CEP170B: variants seen among roughly 807,000 people sequenced by gnomAD.
The protein encoded by CEP170B is centrosomal protein of 170 kDa protein B.
CEP170B carries 55 observed loss-of-function variants against 120.6 expected under a neutral mutation model. The ratio of observed to expected loss-of-function variants is 0.46; its 90% CI spans 0.37 to 0.57. CEP170B has a LOEUF of 0.57. Among genes scored for constraint, CEP170B ranks in the 20% least tolerant of loss-of-function variants. The pLI, the probability that CEP170B is intolerant of heterozygous loss-of-function variation, is 0.00. For missense variants in CEP170B, 2,212 were observed against 2,253.3 expected, an observed-to-expected ratio of 0.98 and a Z score of 0.37; for synonymous variants, 1,033 against 954.5, an observed-to-expected ratio of 1.08 and a Z score of -1.52.
At chr14:104,892,574 C>T (rs935535141) in intron 13 of CEP170B, among the ~76,000 whole-genome samples, 2 of 152,172 alleles carry the variant, frequency 1.3e-5, no homozygotes. Flanking sequence ...GCCTGCAGAG[C>T]TGGGCACCCG....
chr14:104,868,597 C>A lies in CEP170B; in HGVS notation c.105+42C>A. The A allele has an allele frequency of 6.6e-7, 1 of 1,522,870 alleles. No homozygotes were observed. Among genetic ancestry groups the A allele is most frequent in the Non-Finnish European group, 8.9e-7 (1 of 1,128,390 alleles). The allele number at this position is 1,522,870 out of a possible 1,614,324, so 94.3% of individuals were successfully genotyped here. A position where few individuals can be genotyped will look rare whatever the true frequency, so the allele number is the denominator to read the frequency against. On this transcript the variant is annotated intron_variant, in intron 2 of 18. Coordinates refer to ENST00000414716, the MANE Select transcript of CEP170B (RefSeq NM_001112726.3). The surrounding 1 kb of genome is among the most constrained non-coding windows in gnomAD (Gnocchi z 5.9). ...TGGGGCCAGGAGGGTAGGGGGTAGA[C>A]AGTCTGTCCCTGTGGAGGCCAGGAA...
chr14:104,886,545 G>C lies in CEP170B; in HGVS notation c.2306G>C (p.Arg769Thr). 6.6e-7 allele frequency: 1 copy of C among 1,508,086 alleles called. No individual in the cohort carries two copies. Among genetic ancestry groups the C allele is most frequent in the Non-Finnish European group, 8.8e-7 (1 of 1,132,084 alleles). The allele number at this position is 1,508,086 out of a possible 1,614,324, so 93.4% of individuals were successfully genotyped here. A position where few individuals can be genotyped will look rare whatever the true frequency, so the allele number is the denominator to read the frequency against. The change falls in exon 12 of 19, where the codon AGA (arginine) becomes ACA (threonine). Residue 769 changes from arginine to threonine, a missense_variant. Around this residue, in one of 2 missense-constraint regions of CEP170B, gnomAD observed 2,166 missense variants for 2,166.7 expected, o/e 1.00. Transcript: ENST00000414716. ...CCAGGGGTGGAGCCACAGGACAGCA[G>C]ACGCAGGAGCCCCCAGGAGGGGCCC... is the stretch of plus-strand genomic sequence containing the variant. ...PEPGVEPQDS[R>T]RRSPQEGPTW...
rs1595341442 is a variant in CEP170B at position 104,884,127 on chromosome 14, G to A, written c.1348G>A (p.Ala450Thr). The A allele has an allele frequency of 6.4e-7, 1 of 1,566,362 alleles. No individual in the cohort carries two copies. Among genetic ancestry groups the A allele is most frequent in the African/African-American group, 1.4e-5 (1 of 73,786 alleles). ...CGATAGGGACCGCCCCAGTGTCCCA[G>A]CCCCAGTCCAGGCAGGGGGCCGCAG... Reference protein sequence around the residue: ...PADRDRPSVPAPVQAGGRSSG... With the variant: ...PADRDRPSVPTPVQAGGRSSG... Residue 450 changes from alanine to threonine, a missense_variant, in exon 9 of 19, where the codon GCC becomes ACC. Ala to Thr is a moderately conservative substitution (Grantham distance 58, BLOSUM62 0). Around this residue, in one of 2 missense-constraint regions of CEP170B, gnomAD observed 2,166 missense variants for 2,166.7 expected, o/e 1.00. Transcript: ENST00000414716.
Position 104,876,039 on chromosome 14 carries a change from A to G in CEP170B, c.106-217A>G, listed in dbSNP as rs546596748. On this transcript the variant is annotated intron_variant, in intron 2 of 18. Coordinates refer to ENST00000414716, the MANE Select transcript of CEP170B (RefSeq NM_001112726.3). The stretch of plus-strand genomic sequence containing the variant: ...AGCATCTCTGGGGAGGGCGGTCATG[A>G]GGGGAGGCCTGGGGCAGCAGCAGAG... 3.9e-5 allele frequency among the ~76,000 whole-genome samples: 6 copies of G among 151,908 alleles called. 1 individual carries two copies. Among genetic ancestry groups the G allele is most frequent in the Admixed American group, 2.0e-4 (3 of 15,280 alleles).
At position 104,894,330 on chromosome 14, in the gene CEP170B, C is replaced by G. The variant is rs1170544571; in HGVS notation, c.4317C>G (p.Ala1439=). 1 of 1,613,550 alleles carries G rather than the reference C, an allele frequency of 6.2e-7. No homozygotes were observed. The highest frequency in any genetic ancestry group is 8.5e-7 in the Non-Finnish European group (1 of 1,179,884). The part of the protein sequence containing the change: ...NTGRAWEDLE[A]RINAENEVPI... ...GGAGAGCTTGGGAGGACCTGGAAGCCAGGATCAACGCCGAGAACGAGGTGC... is the reference window on the plus strand; with the variant it reads ...GGAGAGCTTGGGAGGACCTGGAAGCGAGGATCAACGCCGAGAACGAGGTGC... The change falls in exon 17 of 19, where the codon GCC becomes GCG. Residue 1439 remains alanine (A), a synonymous_variant. Transcript: ENST00000414716.
chr14:104,883,907 C>T lies in CEP170B; in HGVS notation c.1128C>T (p.Pro376=). ...LAKAASAAGV[P]LEASGEQVRL... ...AGGCGGCCTCGGCCGCTGGGGTGCC[C>T]TTGGAGGCCAGCGGGGAGCAGGTGC... Residue 376 remains proline (P), a synonymous_variant, in exon 9 of 19, where the codon CCC becomes CCT. Transcript: ENST00000414716. 1 of 1,593,024 alleles carries T rather than the reference C, an allele frequency of 6.3e-7. No individual in the cohort carries two copies. The highest frequency in any genetic ancestry group is 1.1e-5 in the South Asian group (1 of 88,362).
chr14:104,894,991 C>A lies in CEP170B; in HGVS notation c.*33C>A. ...ACCTGGCCAGGCCAGCCTCCCTGTG[C>A]GTGTGCGTCTCTGCCTTCCGTCCGC... On this transcript the variant is annotated 3_prime_UTR_variant, in exon 19 of 19. Coordinates refer to ENST00000414716, the MANE Select transcript of CEP170B (RefSeq NM_001112726.3). 1.3e-6 allele frequency: 2 copies of A among 1,497,944 alleles called. No individual in the cohort carries two copies. The highest frequency in any genetic ancestry group is 1.8e-6 in the Non-Finnish European group (2 of 1,119,192). 92.8% of individuals were successfully genotyped at this position (1,497,944 alleles called of 1,614,324 possible).
In CEP170B at chr14:104,870,338, C is replaced by T. The variant is rs1237321088; in HGVS notation, c.105+1783C>T. 1.3e-5 allele frequency among the ~76,000 whole-genome samples: 2 copies of T among 152,204 alleles called. No homozygotes were observed. Among genetic ancestry groups the T allele is most frequent in the African/African-American group, 2.4e-5 (1 of 41,450 alleles). On this transcript the variant is annotated intron_variant, in intron 2 of 18. Coordinates refer to ENST00000414716, the MANE Select transcript of CEP170B (RefSeq NM_001112726.3). The surrounding 1 kb of genome is among the most constrained non-coding windows in gnomAD (Gnocchi z 4.1). ...ATCATTTAAAAGTGTAAAGATCATT[C>T]TTAGTTCTCAAGCCATCTAAAGACA...
rs748743459 is a variant in CEP170B, at chr14:104,887,797, C to T, written c.3558C>T (p.Pro1186=). 49 of 1,585,846 alleles carry T rather than the reference C, an allele frequency of 3.1e-5. No homozygotes were observed. The highest frequency in any genetic ancestry group is 1.7e-4 in the Middle Eastern group (1 of 5,994). ...GCTCCTTCACAGGGACTAGTGACCC[C>T]GAGGCAGCCCCTGCCCGCACCAGCT... is the stretch of plus-strand genomic sequence containing the variant. ...RAGSFTGTSD[P]EAAPARTSFS... is the part of the protein sequence containing the mutation. The change falls in exon 12 of 19, where the codon CCC becomes CCT. Residue 1186 remains proline (P), a synonymous_variant. Coordinates refer to ENST00000414716, the MANE Select transcript of CEP170B (RefSeq NM_001112726.3).
At position 104,867,010 on chromosome 14, in the gene CEP170B, A is replaced by G. The variant is rs917542272; in HGVS notation, c.-27-1414A>G. Among the ~76,000 whole-genome samples the G allele has an allele frequency of 6.6e-6, 1 of 152,144 alleles. No homozygotes were observed. On this transcript the variant is annotated intron_variant, in intron 1 of 18. Coordinates refer to ENST00000414716, the MANE Select transcript of CEP170B (RefSeq NM_001112726.3). This position sits in a 1 kb window ranked among gnomAD's most constrained non-coding sequence, Gnocchi z 5.4. ...GAGCTCTGGGGCCGGCCTCACAGGT[A>G]TGTGACTTGGAGACCCCCACAGAGC...
In CEP170B at chr14:104,868,447, C is replaced by G; in HGVS notation, c.-4C>G. The G allele has an allele frequency of 1.4e-5, 21 of 1,548,432 alleles. No homozygotes were observed. Among genetic ancestry groups the G allele is most frequent in the Non-Finnish European group, 1.8e-5 (21 of 1,146,852 alleles). On this transcript the variant is annotated 5_prime_UTR_variant, in exon 2 of 19. Transcript: ENST00000414716. This position sits in a 1 kb window ranked among gnomAD's most constrained non-coding sequence, Gnocchi z 5.9. ...AGGGCCAGACGGGCCCAGCCAGCACCAAGATGAGTGCCACGTCCTGGTTCC... is the reference window on the plus strand; with the variant it reads ...AGGGCCAGACGGGCCCAGCCAGCACGAAGATGAGTGCCACGTCCTGGTTCC...
chr14:104,883,763 G>A, intron 8 of CEP170B, 68 bp from the exon 9 acceptor site: 2 of 1,412,518 alleles, frequency 1.4e-6, no homozygotes, highest in Non-Finnish European at 1.9e-6. Context: ...GGGTGATGAG[G>A]CTGCCTGAGA....
chr14:104,890,566 G>GTGGA (rs754563532), intron 13 of CEP170B, among the ~76,000 whole-genome samples: 44,004 of 77,898 alleles, frequency 0.56, 14,902 homozygotes, highest in Non-Finnish European at 0.67. Context: ...GGGTGGGTGG[G>GTGGA]TGGATGGATG....
At chr14:104,866,223 G>A (rs1437397709) in intron 1 of CEP170B, among the ~76,000 whole-genome samples, 1 of 152,272 alleles carries the variant, frequency 6.6e-6, no homozygotes, top group Admixed American at 6.5e-5. Context: ...GCAGTGGGTG[G>A]CCTGGCTCTG....
chr14:104,876,822 C>T (rs575900272), intron 3 of CEP170B, among the ~76,000 whole-genome samples: 20 of 152,252 alleles, frequency 1.3e-4, no homozygotes, highest in African/African-American at 4.6e-4. Flanking sequence ...ATGGGTGGAG[C>T]CATGTGATCC....
chr14:104,882,917 A>C, intron 7 of CEP170B, 85 bp downstream of exon 7: 1 of 1,470,080 alleles, frequency 6.8e-7, no homozygotes, highest in Non-Finnish European at 9.1e-7. Flanking sequence ...TGAGGAGCCC[A>C]CTCCGGGGGA....
Position 104,886,688 on chromosome 14 carries a change from G to A in CEP170B, c.2449G>A (p.Gly817Arg). ...ATCTAGGAAACCGCTTGCGGCTCCA[G>A]GGGATGGGGAGGGCCTAGGGCAGAC... is the stretch of plus-strand genomic sequence containing the variant. ...VLSRKPLAAP[G>R]DGEGLGQTAQ... The change falls in exon 12 of 19, where the codon GGG becomes AGG. Residue 817 changes from glycine (G) to arginine (R), a missense_variant. By Grantham distance (125) the Gly-to-Arg change is moderately radical. Coordinates refer to ENST00000414716, the MANE Select transcript of CEP170B (RefSeq NM_001112726.3). 6.4e-7 allele frequency: 1 copy of A among 1,554,970 alleles called. No homozygotes were observed. The highest frequency in any genetic ancestry group is 2.3e-5 in the East Asian group (1 of 44,354).
chr14:104,896,550 G>T lies in CEP170B; in HGVS notation c.*1592G>T, dbSNP rs770680265. 4.4e-6 allele frequency: 2 copies of T among 455,564 alleles called. No individual in the cohort carries two copies. The highest frequency in any genetic ancestry group is 2.4e-5 in the Admixed American group (1 of 42,492). The allele number at this position is 455,564 out of a possible 1,614,324, so 28.2% of individuals were successfully genotyped here. On this transcript the variant is annotated 3_prime_UTR_variant, in exon 19 of 19. Coordinates refer to ENST00000414716, the MANE Select transcript of CEP170B (RefSeq NM_001112726.3). Reference sequence around the variant, plus strand: ...CAATGTTTTAAGTTCACAAGTTCCTGCTCCTCCCCACACTGAGCTCCTTTG... The same window carrying T: ...CAATGTTTTAAGTTCACAAGTTCCTTCTCCTCCCCACACTGAGCTCCTTTG...
intron 5 of CEP170B, among the ~76,000 whole-genome samples, chr14:104,879,117 C>T (rs536082350): frequency 6.6e-6 from 1 of 152,194 alleles, no homozygotes; most frequent in Admixed American, 6.5e-5. Context: ...TTTAGATTCT[C>T]TGACATTACA....
Sources: allele counts gnomAD v4.1 joint callset (sites outside exome capture counted in the v4.1 genomes callset), GRCh38; gene constraint gnomAD v4.1.1; regional missense constraint gnomAD v4.1.1; non-coding constraint Gnocchi (gnomAD v3.1); transcripts MANE v1.5; gene names NCBI Gene and HGNC (gene_info 2026-07-23, HGNC 2026-07-21).